MGAT4C: variants seen among roughly 807,000 people sequenced by gnomAD.
MGAT4C encodes MGAT4 family member C.
A neutral mutation model predicts 40.1 loss-of-function variants in MGAT4C; 19 were observed. The ratio of observed to expected loss-of-function variants is 0.47; its 90% CI spans 0.33 to 0.70. MGAT4C has a LOEUF of 0.70. Ranked by LOEUF, MGAT4C falls within the 30% of genes least tolerant of loss-of-function variation. The pLI, the probability that MGAT4C is intolerant of heterozygous loss-of-function variation, is 0.02. For synonymous variants in MGAT4C, 181 were observed against 187.1 expected, an observed-to-expected ratio of 0.97 and a Z score of 0.27; for missense variants, 491 against 563.2, an observed-to-expected ratio of 0.87 and a Z score of 1.30.
At chr12:86,491,663 T>C (rs1384476366) in intron 2 of MGAT4C, among the ~76,000 whole-genome samples, 7 of 151,806 alleles carry the variant, frequency 4.6e-5, no homozygotes, top group Middle Eastern at 3.4e-3. Flanking sequence ...ATAAGAGCTA[T>C]CTATGACAAA....
intron 2 of MGAT4C, among the ~76,000 whole-genome samples, chr12:86,452,488 C>G (rs550405863): frequency 7.2e-5 from 11 of 151,768 alleles, no homozygotes; most frequent in Non-Finnish European, 1.0e-4. Flanking sequence ...TGGTTTGTAG[C>G]AGCTATTTTC....
intron 4 of MGAT4C, among the ~76,000 whole-genome samples, chr12:86,333,827 T>C: frequency 6.6e-6 from 1 of 152,180 alleles, no homozygotes; most frequent in East Asian, 1.9e-4. Context: ...TGCCTTAAAC[T>C]GAATATCAGT....
At chr12:86,069,478 T>C (rs115389450) in intron 1 of MGAT4C, among the ~76,000 whole-genome samples, 484 of 152,238 alleles carry the variant, frequency 3.2e-3, no homozygotes, top group African/African-American at 0.011. Flanking sequence ...ATATCTATAG[T>C]GGAAAAGTCT....
intron 1 of MGAT4C, among the ~76,000 whole-genome samples, chr12:86,181,917 A>G (rs533067321): frequency 6.6e-6 from 1 of 152,176 alleles, no homozygotes; most frequent in South Asian, 2.1e-4. Flanking sequence ...ATTTTATATC[A>G]GTTATATTCT....
chr12:86,779,904 C>CT (rs1255338083), intron 1 of MGAT4C, among the ~76,000 whole-genome samples: 1 of 151,512 alleles, frequency 6.6e-6, no homozygotes, highest in Admixed American at 6.6e-5. Context: ...CAGTGTGAGA[C>CT]TTTGTCTCAA....
chr12:86,836,402 T>C (rs1003571032), intron 1 of MGAT4C, among the ~76,000 whole-genome samples: 4 of 151,598 alleles, frequency 2.6e-5, no homozygotes, highest in African/African-American at 9.8e-5. Flanking sequence ...GAGAATACCA[T>C]TACATTTTTT....
At chr12:86,613,553 G>A (rs1281611547) in intron 2 of MGAT4C, among the ~76,000 whole-genome samples, 2 of 151,996 alleles carry the variant, frequency 1.3e-5, no homozygotes, top group African/African-American at 2.4e-5. Flanking sequence ...CAATTACATT[G>A]TTATTTCACA....
At chr12:86,408,388 TGAC>T (rs1433865551) in intron 3 of MGAT4C, among the ~76,000 whole-genome samples, 1 of 146,854 alleles carries the variant, frequency 6.8e-6, no homozygotes, top group Non-Finnish European at 1.5e-5. Context: ...TTAATTAGAA[TGAC>T]GTAAAATAAA....
intron 1 of MGAT4C, among the ~76,000 whole-genome samples, chr12:86,174,182 C>T (rs1047890782): frequency 1.3e-5 from 2 of 150,874 alleles, no homozygotes; most frequent in South Asian, 2.1e-4. Flanking sequence ...GAATTAAATG[C>T]ATCTTCATTT....
upstream of MGAT4C, among the ~76,000 whole-genome samples, chr12:86,258,382 A>C (rs1952585983): frequency 6.6e-6 from 1 of 151,988 alleles, no homozygotes; most frequent in African/African-American, 2.4e-5. Flanking sequence ...TGGTGATTTT[A>C]GTGCACAGAA....
chr12:86,640,386 C>T (rs1056120754), intron 2 of MGAT4C, among the ~76,000 whole-genome samples: 14 of 151,818 alleles, frequency 9.2e-5, no homozygotes, highest in Non-Finnish European at 1.9e-4. Flanking sequence ...ACTCCTAATA[C>T]AAATGGAAAG....
chr12:85,985,411 C>A (rs1885098744), intron 3 of MGAT4C, among the ~76,000 whole-genome samples: 1 of 152,078 alleles, frequency 6.6e-6, no homozygotes, highest in Non-Finnish European at 1.5e-5. Context: ...CCAATATGGT[C>A]CTTACTAAAT....
chr12:85,987,116 A>ATTTTTT (rs869139864), intron 3 of MGAT4C, among the ~76,000 whole-genome samples: 2 of 73,830 alleles, frequency 2.7e-5, no homozygotes, highest in African/African-American at 1.1e-4. Flanking sequence ...TAAAATAATA[A>ATTTTTT]TTTTTTTTTT....
chr12:86,803,916 G>A (rs1952286697), intron 1 of MGAT4C, among the ~76,000 whole-genome samples: 1 of 147,588 alleles, frequency 6.8e-6, no homozygotes, highest in Admixed American at 6.8e-5. Context: ...CCATTACTGG[G>A]TATATACCCA....
chr12:86,066,864 GA>G (rs139402773), intron 1 of MGAT4C, among the ~76,000 whole-genome samples: 1 of 151,028 alleles, frequency 6.6e-6, no homozygotes, highest in African/African-American at 2.4e-5. Context: ...AAATTTACAA[GA>G]AAAAAAACCA....
At chr12:86,683,029 A>T (rs1263652317) in intron 2 of MGAT4C, among the ~76,000 whole-genome samples, 3 of 152,156 alleles carry the variant, frequency 2.0e-5, no homozygotes, top group Non-Finnish European at 4.4e-5. Flanking sequence ...TAACAATATG[A>T]AGTTCAATAA....
chr12:86,392,146 A>C (rs1317638413), intron 3 of MGAT4C, among the ~76,000 whole-genome samples: 1 of 152,070 alleles, frequency 6.6e-6, no homozygotes, highest in African/African-American at 2.4e-5. Context: ...TACCAAGATA[A>C]AAGTTATGGT....
At chr12:86,528,218 T>C (rs1193336369) in intron 2 of MGAT4C, among the ~76,000 whole-genome samples, 2 of 152,016 alleles carry the variant, frequency 1.3e-5, no homozygotes, top group Non-Finnish European at 2.9e-5. Flanking sequence ...TAATCAAAAG[T>C]AAAGAAGATT....
At chr12:86,079,177 T>C (rs1870356865) in intron 1 of MGAT4C, among the ~76,000 whole-genome samples, 2 of 152,078 alleles carry the variant, frequency 1.3e-5, no homozygotes, top group African/African-American at 2.4e-5. Context: ...AGGAGTAGCA[T>C]TTGTATGTTG....
Sources: allele counts gnomAD v4.1 joint callset (sites outside exome capture counted in the v4.1 genomes callset), GRCh38; gene constraint gnomAD v4.1.1; transcripts MANE v1.5; gene names NCBI Gene and HGNC (gene_info 2026-07-23, HGNC 2026-07-21).